ULK2: variants seen among roughly 807,000 people sequenced by gnomAD.
ULK2 encodes the protein unc-51 like autophagy activating kinase 2, also known as serine/threonine-protein kinase ULK2.
Under a neutral mutation model 127.5 loss-of-function variants are expected in ULK2, and 76 were observed. The observed-to-expected ratio is 0.60, with a 90% CI of 0.50 to 0.72. ULK2 has a LOEUF of 0.72. Among genes scored for constraint, ULK2 ranks in the 30% least tolerant of loss-of-function variants. ULK2 has a pLI of 0.00. For synonymous variants in ULK2, 452 were observed against 461.9 expected (o/e 0.98, Z 0.28); for missense variants, 1,144 against 1,295.9 (o/e 0.88, Z 1.80).
rs141690251 is a variant in ULK2, at chr17:19,806,574, G to T, written c.1158-1744C>A. ...GATAGTCTCTGGACAGGACCTGCAA[G>T]CAGACTTGCTCAGGGTCTAGAAAGT... On this transcript the variant is annotated intron_variant, in intron 14 of 26. Coordinates refer to ENST00000395544, the MANE Select transcript of ULK2 (RefSeq NM_014683.4). Among the ~76,000 whole-genome samples, 6 of 152,334 alleles carry T rather than the reference G, an allele frequency of 3.9e-5. No individual in the cohort carries two copies. The East Asian group carries it at 1.2e-3, about 29-fold the overall frequency.
chr17:19,852,247 C>T (rs1472390754), intron 3 of ULK2, among the ~76,000 whole-genome samples: 4 of 151,576 alleles, frequency 2.6e-5, no homozygotes, highest in South Asian at 2.1e-4. Context: ...AAGCACTGGG[C>T]GCAGTGGCTC....
At position 19,847,004 on chromosome 17, in the gene ULK2, T is replaced by G. The variant is rs544125601; in HGVS notation, c.296-94A>C. Reference sequence around the variant, plus strand: ...CAGGATTGGGTTGTGAAGGAGAGCATGAAGGGAATGAGGAATTTGGATTCA... The same window carrying G: ...CAGGATTGGGTTGTGAAGGAGAGCAGGAAGGGAATGAGGAATTTGGATTCA... On this transcript the variant is annotated intron_variant, in intron 5 of 26. Transcript: ENST00000395544. The G allele has an allele frequency of 8.5e-5, 100 of 1,180,216 alleles. No homozygotes were observed. The South Asian group carries it at 1.8e-3, about 21-fold the overall frequency. 73.1% of individuals were successfully genotyped at this position (1,180,216 alleles called of 1,614,324 possible).
At chr17:19,854,926 C>T (rs2042092282) in intron 3 of ULK2, among the ~76,000 whole-genome samples, 1 of 150,972 alleles carries the variant, frequency 6.6e-6, no homozygotes, top group African/African-American at 2.4e-5. Flanking sequence ...TGGTGAAACC[C>T]CTTCTCTACT....
intron 25 of ULK2, among the ~76,000 whole-genome samples, chr17:19,778,461 C>A (rs1215699729): frequency 2.6e-5 from 4 of 152,146 alleles, no homozygotes; most frequent in African/African-American, 9.7e-5. Context: ...TGGGAAGGGG[C>A]TCTCCAGAAA....
At chr17:19,814,431 T>C (rs868226626) in intron 13 of ULK2, among the ~76,000 whole-genome samples, 39 of 16,462 alleles carry the variant, frequency 2.4e-3, no homozygotes, top group African/African-American at 9.6e-3. Flanking sequence ...TATATATATA[T>C]ATATATATTT....
In ULK2 at chr17:19,780,589, G is replaced by A; in HGVS notation, c.2799C>T (p.Thr933=). ...NLNERYKFCI[T]MCKKLTEKLN... is the part of the protein sequence containing the mutation. ...GCTTTTCTGTAAGTTTCTTGCACAT[G>A]GTGATGCAGAATTTATATCGTTCGT... The change falls in exon 25 of 27, where the codon ACC becomes ACT. Residue 933 remains threonine (T), a synonymous_variant. Coordinates refer to ENST00000395544, the MANE Select transcript of ULK2 (RefSeq NM_014683.4). 6.2e-7 allele frequency: 1 copy of A among 1,612,986 alleles called. No homozygotes were observed. The highest frequency in any genetic ancestry group is 8.5e-7 in the Non-Finnish European group (1 of 1,179,636).
Position 19,846,742 on chromosome 17 carries a change from T to C in ULK2, c.464A>G (p.Lys155Arg). 1 of 1,605,656 alleles carries C rather than the reference T, an allele frequency of 6.2e-7. No individual in the cohort carries two copies. The highest frequency in any genetic ancestry group is 8.5e-7 in the Non-Finnish European group (1 of 1,176,528). Residue 155 changes from lysine to arginine, a missense_variant, in exon 6 of 27, where the codon AAA (lysine) becomes AGA (arginine). Physicochemically the swap from Lys to Arg is conservative, Grantham distance 26 (BLOSUM62 2). Around this residue, in one of 2 missense-constraint regions of ULK2, gnomAD observed 231 missense variants for 325.4 expected, o/e 0.71. Transcript: ENST00000395544. ...CACAATACATGGCCATTTACCTATT[T>C]TGATGCGAATACCACTGACACTTGA... ...RKSSVSGIRI[K>R]IADFGFARYL... is the part of the protein sequence containing the mutation.
chr17:19,777,479 T>C, intron 26 of ULK2, 102 bp downstream of exon 26: 1 of 1,329,206 alleles, frequency 7.5e-7, no homozygotes, highest in Non-Finnish European at 1.0e-6. Context: ...AAGCCACGAT[T>C]CAAACCAAGG....
chr17:19,849,273 G>C (rs1014008388), intron 5 of ULK2, 96 bp downstream of exon 5: 1 of 1,051,552 alleles, frequency 9.5e-7, no homozygotes, highest in Non-Finnish European at 1.4e-6. Context: ...TTCTATACAA[G>C]AGCAGAAAAT....
At chr17:19,862,189 C>T (rs760784065) in intron 3 of ULK2, among the ~76,000 whole-genome samples, 11 of 151,232 alleles carry the variant, frequency 7.3e-5, no homozygotes, top group African/African-American at 1.7e-4. Flanking sequence ...CTCCGCCTCC[C>T]GGGTTCAAGT....
intron 10 of ULK2, among the ~76,000 whole-genome samples, chr17:19,831,512 G>A (rs920780214): frequency 3.3e-5 from 5 of 152,146 alleles, no homozygotes; most frequent in Admixed American, 3.3e-4. Context: ...AAATATACCT[G>A]TAAACACCTC....
intron 18 of ULK2, 100 bp downstream of exon 18, chr17:19,797,296 C>CA: frequency 7.5e-7 from 1 of 1,329,076 alleles, no homozygotes; most frequent in Non-Finnish European, 1.0e-6. Context: ...GACTCTGTCT[C>CA]AAAAAATAAA....
In ULK2 at chr17:19,864,916, AAATT is replaced by A. The variant is rs1270592491; in HGVS notation, c.184-76_184-73del. 11 of 681,754 alleles carry A rather than the reference AAATT, an allele frequency of 1.6e-5. No homozygotes were observed. The African/African-American group carries it at 1.8e-4, about 11-fold the overall frequency. 42.2% of individuals were successfully genotyped at this position (681,754 alleles called of 1,614,324 possible). A position where few individuals can be genotyped will look rare whatever the true frequency, so the allele number is the denominator to read the frequency against. On this transcript the variant is annotated intron_variant, in intron 2 of 26. Transcript: ENST00000395544. ...TTTACTATATTTTAATATGTAAATA[AAATT>A]AAAGTATACACATACACTTCTAGTA...
At chr17:19,788,830 A>G (rs531317572) in intron 20 of ULK2, among the ~76,000 whole-genome samples, 2 of 152,316 alleles carry the variant, frequency 1.3e-5, no homozygotes, top group East Asian at 3.9e-4. Flanking sequence ...TGGTGGTTAC[A>G]GCCACAGGGA....
chr17:19,827,996 CAG>C (rs1463264074), intron 10 of ULK2, among the ~76,000 whole-genome samples: 2 of 151,088 alleles, frequency 1.3e-5, no homozygotes, highest in African/African-American at 4.9e-5. Flanking sequence ...TTTCAAAAGA[CAG>C]AGAGAATCTT....
At position 19,845,285 on chromosome 17, in the gene ULK2, G is replaced by T. The variant is rs28461694; in HGVS notation, c.543+19C>A. 590 of 1,604,148 alleles carry T rather than the reference G, an allele frequency of 3.7e-4. No homozygotes were observed. In the African/African-American group the frequency reaches 4.4e-3, roughly 12 times the overall value. ...TGGAGCCATGCTTTAAACACACAAG[G>T]ATGCAAACACTCACTCACCATGTAC... On this transcript the variant is annotated intron_variant, in intron 7 of 26. Coordinates refer to ENST00000395544, the MANE Select transcript of ULK2 (RefSeq NM_014683.4).
At chr17:19,854,690 T>A (rs1175645865) in intron 3 of ULK2, among the ~76,000 whole-genome samples, 1 of 152,116 alleles carries the variant, frequency 6.6e-6, no homozygotes, top group African/African-American at 2.4e-5. Flanking sequence ...AAGTACTAGA[T>A]GAAAACATGG....
At chr17:19,802,577 G>A (rs1013936121) in intron 15 of ULK2, among the ~76,000 whole-genome samples, 1 of 152,148 alleles carries the variant, frequency 6.6e-6, no homozygotes, top group African/African-American at 2.4e-5. Flanking sequence ...TCAATCTGTT[G>A]TAAGATACGT....
intron 25 of ULK2, 30 bp downstream of exon 25, chr17:19,780,442 T>A: frequency 6.4e-7 from 1 of 1,574,254 alleles, no homozygotes; most frequent in Non-Finnish European, 8.6e-7. Flanking sequence ...TAAGTAGTAC[T>A]ATACAATATT....
Sources: allele counts gnomAD v4.1 joint callset (sites outside exome capture counted in the v4.1 genomes callset), GRCh38; gene constraint gnomAD v4.1.1; regional missense constraint gnomAD v4.1.1; transcripts MANE v1.5; gene names NCBI Gene and HGNC (gene_info 2026-07-23, HGNC 2026-07-21).